The following SHQ1 variants were observed in gnomAD, a reference collection of about 807,000 sequenced individuals.
SHQ1 encodes protein SHQ1 homolog.
Under a neutral mutation model 53.8 loss-of-function variants are expected in SHQ1, and 49 were observed. That is an observed-to-expected ratio of 0.91 (90% CI 0.72 to 1.16). The LOEUF is 1.16. Ranked by LOEUF, SHQ1 falls within the 50% of genes most tolerant of loss-of-function variation. The pLI is 0.00. For synonymous variants in SHQ1, 243 were observed against 251.0 expected (o/e 0.97, Z 0.30); for missense variants, 738 against 683.1 (o/e 1.08, Z -0.90).
intron 4 of SHQ1, 23 bp downstream of exon 4, chr3:72,841,022 G>C: frequency 6.3e-7 from 1 of 1,591,474 alleles, no homozygotes; most frequent in Non-Finnish European, 8.5e-7. Flanking sequence ...TATAGATCAA[G>C]ATCTTTCAGA....
chr3:72,792,304 T>C (rs1706462806), intron 10 of SHQ1, among the ~76,000 whole-genome samples: 1 of 152,240 alleles, frequency 6.6e-6, no homozygotes, highest in South Asian at 2.1e-4. Context: ...GGACAGTCAA[T>C]AGCAAGGCAA....
intron 6 of SHQ1, among the ~76,000 whole-genome samples, chr3:72,823,265 A>T (rs1052939048): frequency 1.4e-4 from 21 of 152,132 alleles, no homozygotes; most frequent in Non-Finnish European, 1.5e-4. Flanking sequence ...ACTCACCTAA[A>T]CTTTAATAAA....
At chr3:72,766,991 C>T (rs1705744806) in intron 10 of SHQ1, among the ~76,000 whole-genome samples, 1 of 152,122 alleles carries the variant, frequency 6.6e-6, no homozygotes, top group Non-Finnish European at 1.5e-5. Flanking sequence ...ATGAAAATAG[C>T]CACATGTGGC....
At chr3:72,737,709 G>A in the SHQ1 span, among the ~76,000 whole-genome samples, 1 of 152,104 alleles carries the variant, frequency 6.6e-6, no homozygotes, top group Non-Finnish European at 1.5e-5. Context: ...ACTGTTTAGG[G>A]AATAATGACA....
At chr3:72,801,542 C>G (rs1325961064) in intron 9 of SHQ1, among the ~76,000 whole-genome samples, 5 of 152,050 alleles carry the variant, frequency 3.3e-5, no homozygotes, top group Non-Finnish European at 7.4e-5. Context: ...AAAAAACAAA[C>G]CTAAACCTAA....
chr3:72,797,631 A>G (rs957738452), intron 9 of SHQ1, among the ~76,000 whole-genome samples: 1 of 152,258 alleles, frequency 6.6e-6, no homozygotes, highest in African/African-American at 2.4e-5. Flanking sequence ...TTTGAAAGGG[A>G]AAGTTACATG....
chr3:72,835,987 G>A (rs2106938644), intron 4 of SHQ1, among the ~76,000 whole-genome samples: 1 of 152,298 alleles, frequency 6.6e-6, no homozygotes, highest in South Asian at 2.1e-4. Context: ...AATGTTCTCT[G>A]AGGGTAGAGA....
the SHQ1 span, among the ~76,000 whole-genome samples, chr3:72,739,584 C>T: frequency 8.5e-5 from 13 of 152,334 alleles, no homozygotes; most frequent in East Asian, 2.1e-3. Flanking sequence ...CTTCTGTATA[C>T]TGGAGACAGT....
chr3:72,828,014 A>G (rs1413683155), intron 5 of SHQ1, among the ~76,000 whole-genome samples: 3 of 152,028 alleles, frequency 2.0e-5, no homozygotes, highest in Non-Finnish European at 4.4e-5. Context: ...TCAGCCTCCC[A>G]AAGTGCTGGG....
chr3:72,833,010 C>T (rs1259652322), intron 4 of SHQ1, among the ~76,000 whole-genome samples: 1 of 152,154 alleles, frequency 6.6e-6, no homozygotes, highest in Non-Finnish European at 1.5e-5. Flanking sequence ...TTTTGGAATA[C>T]TTGCATTATA....
chr3:72,748,089 CATAAGGCA>C (rs1705287616), downstream of SHQ1, among the ~76,000 whole-genome samples: 1 of 151,546 alleles, frequency 6.6e-6, no homozygotes, highest in Non-Finnish European at 1.5e-5. Flanking sequence ...ACTCATAATT[CATAAGGCA>C]TGGTGGAGCA....
chr3:72,822,251 A>G (rs959826180), intron 6 of SHQ1, among the ~76,000 whole-genome samples: 1 of 152,196 alleles, frequency 6.6e-6, no homozygotes, highest in Admixed American at 6.5e-5. Context: ...TCTACCTTAG[A>G]TCACATGTCC....
chr3:72,823,148 CA>C (rs772618429), intron 6 of SHQ1, among the ~76,000 whole-genome samples: 25,100 of 76,196 alleles, frequency 0.33, 1,727 homozygotes, highest in Non-Finnish European at 0.35. Flanking sequence ...GACTCCGTCT[CA>C]AAAAAAAAAA....
At chr3:72,790,255 A>G (rs1166951855) in intron 10 of SHQ1, among the ~76,000 whole-genome samples, 1 of 152,230 alleles carries the variant, frequency 6.6e-6, no homozygotes, top group African/African-American at 2.4e-5. Flanking sequence ...CGAAAGCAGA[A>G]GTAACAATAG....
At chr3:72,755,133 A>T (rs185523602) in intron 10 of SHQ1, among the ~76,000 whole-genome samples, 7 of 152,298 alleles carry the variant, frequency 4.6e-5, no homozygotes, top group Admixed American at 4.6e-4. Flanking sequence ...AGGGGCCCAA[A>T]CAGGAACTCC....
Position 72,812,737 on chromosome 3 carries a change from G to C in SHQ1, c.994C>G (p.Pro332Ala). Residue 332 changes from proline (P) to alanine (A), a missense_variant, in exon 9 of 11, where the codon CCA (proline) becomes GCA (alanine). By Grantham distance (27) the Pro-to-Ala change is conservative (BLOSUM62 -1). Coordinates refer to ENST00000325599, the MANE Select transcript of SHQ1 (RefSeq NM_018130.3). ...VSFGRRVLCY[P>A]LYRHFKLVMK... ...ACCAGCTTGAAATGGCGATAGAGTG[G>C]GTAACACAACACCCTTCTTCCAAAA... 6.2e-7 allele frequency: 1 copy of C among 1,613,954 alleles called. No individual in the cohort carries two copies. Among genetic ancestry groups the C allele is most frequent in the South Asian group, 1.1e-5 (1 of 91,070 alleles).
intron 10 of SHQ1, chr3:72,773,163 G>C (rs1705890812): frequency 1.3e-6 from 1 of 743,490 alleles, no homozygotes; most frequent in African/African-American, 1.7e-5. Context: ...TTTGGAAAAA[G>C]ACATAAAAAA....
At chr3:72,753,134 T>C in intron 10 of SHQ1, 1 of 985,376 alleles carries the variant, frequency 1.0e-6, no homozygotes, top group Non-Finnish European at 1.2e-6. Context: ...TAAGGGGAAA[T>C]CTGATGTGAC....
At chr3:72,828,217 G>A (rs748257010) in intron 5 of SHQ1, among the ~76,000 whole-genome samples, 6 of 152,098 alleles carry the variant, frequency 3.9e-5, no homozygotes, top group East Asian at 1.9e-4. Context: ...AAAACAATGC[G>A]GTAAAAAACA....
Sources: gnomAD v4.1 joint callset for allele counts (sites outside exome capture counted in the v4.1 genomes callset) on GRCh38, gnomAD v4.1.1 for gene constraint, MANE v1.5 for transcripts, NCBI Gene and HGNC (gene_info 2026-07-23, HGNC 2026-07-21) for gene names.